ARHGAP18: variants seen among roughly 807,000 people sequenced by gnomAD.
The protein encoded by ARHGAP18 is Rho GTPase activating protein 18.
Under a neutral mutation model 86.2 loss-of-function variants are expected in ARHGAP18, and 67 were observed. The observed-to-expected ratio is 0.78, with a 90% CI of 0.64 to 0.95. ARHGAP18 has a LOEUF of 0.95. Ranked by LOEUF, ARHGAP18 falls within the 40% of genes least tolerant of loss-of-function variation. The pLI is 0.00. For missense variants in ARHGAP18, 691 were observed against 780.4 expected, an observed-to-expected ratio of 0.89 and a Z score of 1.37; for synonymous variants, 283 against 280.4, an observed-to-expected ratio of 1.01 and a Z score of -0.09.
At chr6:129,652,373 G>A (rs1773733753) in intron 1 of ARHGAP18, among the ~76,000 whole-genome samples, 1 of 152,048 alleles carries the variant, frequency 6.6e-6, no homozygotes, top group Non-Finnish European at 1.5e-5. Flanking sequence ...TATTGTTCTC[G>A]CCAAATCAAA....
intron 1 of ARHGAP18, among the ~76,000 whole-genome samples, chr6:129,668,321 C>T (rs1774079070): frequency 6.6e-6 from 1 of 150,680 alleles, no homozygotes; most frequent in Non-Finnish European, 1.5e-5. Context: ...AATACAGCAT[C>T]CTCAACCCCT....
At chr6:129,690,328 C>A (rs1465513522) in intron 1 of ARHGAP18, among the ~76,000 whole-genome samples, 1 of 152,114 alleles carries the variant, frequency 6.6e-6, no homozygotes, top group East Asian at 1.9e-4. Context: ...AAATGCTATG[C>A]TTAAGATAGT....
chr6:129,606,422 T>C (rs554778045), intron 9 of ARHGAP18, among the ~76,000 whole-genome samples: 1 of 152,208 alleles, frequency 6.6e-6, no homozygotes, highest in East Asian at 1.9e-4. Context: ...TGGAACACAA[T>C]AGGTGCTTAT....
At chr6:129,617,256 C>T (rs965637884) in intron 6 of ARHGAP18, among the ~76,000 whole-genome samples, 2 of 152,120 alleles carry the variant, frequency 1.3e-5, no homozygotes, top group Non-Finnish European at 2.9e-5. Flanking sequence ...TCCACCCTGC[C>T]CCCATCACTG....
At chr6:129,691,665 G>A (rs553041842) in intron 1 of ARHGAP18, among the ~76,000 whole-genome samples, 1 of 152,128 alleles carries the variant, frequency 6.6e-6, no homozygotes, top group Non-Finnish European at 1.5e-5. Context: ...CACCTAACCA[G>A]GAAGCATAAT....
intron 1 of ARHGAP18, among the ~76,000 whole-genome samples, chr6:129,699,341 G>A (rs1774674530): frequency 6.6e-6 from 1 of 152,158 alleles, no homozygotes; most frequent in African/African-American, 2.4e-5. Flanking sequence ...AAAGCTCCCA[G>A]GTGCCTGGGG....
intron 1 of ARHGAP18, among the ~76,000 whole-genome samples, chr6:129,672,050 A>T (rs193277569): frequency 6.6e-6 from 1 of 152,250 alleles, no homozygotes; most frequent in African/African-American, 2.4e-5. Context: ...ACCATGACAA[A>T]GTGGGTTCCA....
intron 1 of ARHGAP18, among the ~76,000 whole-genome samples, chr6:129,658,109 C>T (rs142365351): frequency 1.7e-4 from 26 of 152,286 alleles, no homozygotes; most frequent in African/African-American, 9.6e-5. Context: ...TACTGTTCAC[C>T]GTGTGAGCAT....
intron 1 of ARHGAP18, among the ~76,000 whole-genome samples, chr6:129,698,353 C>T (rs1475876392): frequency 6.6e-6 from 1 of 152,076 alleles, no homozygotes; most frequent in African/African-American, 2.4e-5. Context: ...TAATTTTATG[C>T]TGTTCAATCA....
At chr6:129,666,298 G>A (rs747281748) in intron 1 of ARHGAP18, among the ~76,000 whole-genome samples, 1 of 152,212 alleles carries the variant, frequency 6.6e-6, no homozygotes, top group African/African-American at 2.4e-5. Context: ...ACACCAGAAT[G>A]AGCGCTCAGA....
intron 10 of ARHGAP18, among the ~76,000 whole-genome samples, chr6:129,604,355 A>G (rs1788810360): frequency 6.6e-6 from 1 of 152,172 alleles, no homozygotes; most frequent in African/African-American, 2.4e-5. Context: ...GTTCCAGCTC[A>G]GCCACACCCA....
intron 1 of ARHGAP18, among the ~76,000 whole-genome samples, chr6:129,663,712 A>T (rs1211903763): frequency 6.6e-6 from 1 of 152,234 alleles, no homozygotes; most frequent in African/African-American, 2.4e-5. Context: ...TTTATTGTTA[A>T]TTATTTTCAC....
Position 129,682,544 on chromosome 6 carries a change from AAC to A in ARHGAP18, c.113+27478_113+27479del, listed in dbSNP as rs145526112. Reference sequence around the variant, plus strand: ...GCCATTATCTGTAGATGGTTACTGAAACACAGACTTCTGACATTAGTGTTAGT... The same window carrying A: ...GCCATTATCTGTAGATGGTTACTGAAACAGACTTCTGACATTAGTGTTAGT... On this transcript the variant is annotated intron_variant, in intron 1 of 14. Transcript: ENST00000368149. Among the ~76,000 whole-genome samples, 225 of 152,376 alleles carry A rather than the reference AAC, an allele frequency of 1.5e-3. 6 individuals carry two copies. The highest frequency in any genetic ancestry group is 0.01 in the Admixed American group (155 of 15,308).
At chr6:129,620,095 G>A (rs1789196908) in intron 5 of ARHGAP18, among the ~76,000 whole-genome samples, 1 of 152,152 alleles carries the variant, frequency 6.6e-6, no homozygotes, top group Non-Finnish European at 1.5e-5. Context: ...CAAACTGCTT[G>A]AGACCAGAAG....
intron 5 of ARHGAP18, among the ~76,000 whole-genome samples, chr6:129,624,076 T>G (rs1042409017): frequency 6.6e-6 from 1 of 151,870 alleles, no homozygotes; most frequent in Non-Finnish European, 1.5e-5. Context: ...GCAGAGGGAG[T>G]TTTGTTTTGA....
At chr6:129,658,880 C>A (rs1410455116) in intron 1 of ARHGAP18, among the ~76,000 whole-genome samples, 3 of 152,122 alleles carry the variant, frequency 2.0e-5, no homozygotes, top group Non-Finnish European at 4.4e-5. Context: ...TAATGGGAAA[C>A]CTTCCGGAGG....
At chr6:129,601,144 G>C (rs1452862873) in intron 10 of ARHGAP18, among the ~76,000 whole-genome samples, 1 of 152,196 alleles carries the variant, frequency 6.6e-6, no homozygotes, top group Non-Finnish European at 1.5e-5. Flanking sequence ...GCCTATGGGA[G>C]TCATGGAGAG....
At chr6:129,670,617 C>G (rs1228401157) in intron 1 of ARHGAP18, among the ~76,000 whole-genome samples, 1 of 151,938 alleles carries the variant, frequency 6.6e-6, no homozygotes, top group Non-Finnish European at 1.5e-5. Flanking sequence ...TTTGAAAAGT[C>G]TCTTATACCA....
At chr6:129,696,423 T>C (rs1229145358) in intron 1 of ARHGAP18, among the ~76,000 whole-genome samples, 1 of 152,236 alleles carries the variant, frequency 6.6e-6, no homozygotes, top group Non-Finnish European at 1.5e-5. Context: ...GGCATTTGTG[T>C]CTAAAATCTA....
Sources: gnomAD v4.1 joint callset for allele counts (sites outside exome capture counted in the v4.1 genomes callset) on GRCh38, gnomAD v4.1.1 for gene constraint, MANE v1.5 for transcripts, NCBI Gene and HGNC (gene_info 2026-07-23, HGNC 2026-07-21) for gene names.